The following NHSL1 variants were observed in gnomAD, a reference collection of about 807,000 sequenced individuals.
NHSL1 encodes the protein NHS-like protein 1.
Under a neutral mutation model 95.0 loss-of-function variants are expected in NHSL1, and 48 were observed. The ratio of observed to expected loss-of-function variants is 0.51; its 90% CI spans 0.40 to 0.64. NHSL1 has a LOEUF of 0.64. NHSL1 is among the 30% of genes least tolerant of loss of function. The probability of loss-of-function intolerance (pLI) is 0.00; values close to 1 mark genes in which losing one functional copy is unlikely to be tolerated. For missense variants in NHSL1, 1,971 were observed against 2,077.7 expected, an observed-to-expected ratio of 0.95 and a Z score of 1.00; for synonymous variants, 783 against 833.9, an observed-to-expected ratio of 0.94 and a Z score of 1.05.
At chr6:138,513,670 GC>G (rs1428517688) in intron 1 of NHSL1, among the ~76,000 whole-genome samples, 1 of 152,136 alleles carries the variant, frequency 6.6e-6, no homozygotes, top group Non-Finnish European at 1.5e-5. Flanking sequence ...CAGTGGATTG[GC>G]CTTTTACCCA....
intron 3 of NHSL1, among the ~76,000 whole-genome samples, chr6:138,464,828 T>TAA (rs762905465): frequency 1.5e-4 from 23 of 150,180 alleles, no homozygotes; most frequent in Non-Finnish European, 2.8e-4. Flanking sequence ...TTCTCCTGCC[T>TAA]CAGCCTCTCT....
chr6:138,423,084 A>T lies in NHSL1; in HGVS notation c.*997T>A, dbSNP rs1231026527. 7.5e-6 allele frequency: 1 copy of T among 132,468 alleles called. No individual in the cohort carries two copies. Among genetic ancestry groups the T allele is most frequent in the Non-Finnish European group, 1.6e-5 (1 of 62,138 alleles). The allele number at this position is 132,468 out of a possible 1,614,324, so 8.2% of individuals were successfully genotyped here. On this transcript the variant is annotated 3_prime_UTR_variant, in exon 8 of 8. Transcript: ENST00000343505. ...ACAGGAAATTGCCTAATGGAAGTTT[A>T]AACTCTGGTTAAAAAAAAAAAAAAA...
chr6:138,431,433 A>G lies in NHSL1; in HGVS notation c.2912T>C (p.Phe971Ser), dbSNP rs1583142441. 3.2e-6 allele frequency: 5 copies of G among 1,550,376 alleles called. No individual in the cohort carries two copies. Among genetic ancestry groups the G allele is most frequent in the Non-Finnish European group, 4.4e-6 (5 of 1,146,770 alleles). Residue 971 changes from phenylalanine to serine, a missense_variant, in exon 6 of 8, where the codon TTC becomes TCC. Transcript: ENST00000343505. The surrounding 1 kb of genome is among the most constrained non-coding windows in gnomAD (Gnocchi z 4.0). ...QGSPLPHSPV[F>S]PPPPPEALIP... ...GAGAGCTTCTGGCGGCGGAGGGGGG[A>G]ACACAGGAGAGTGAGGCAGAGGAGA...
rs891666735 is a variant in NHSL1, at chr6:138,670,546, G to T, written c.96+21930C>A. Among the ~76,000 whole-genome samples the T allele has an allele frequency of 1.0e-3, 151 of 147,518 alleles. 1 individual carries two copies. The highest frequency in any genetic ancestry group is 3.6e-3 in the East Asian group (18 of 4,960). ...CCGGGCGTAGTGGCGGGCGCCTGTAGTCCCAGCTACTTGGGAGGCTGAGGC... is the reference window on the plus strand; with the variant it reads ...CCGGGCGTAGTGGCGGGCGCCTGTATTCCCAGCTACTTGGGAGGCTGAGGC... On this transcript the variant is annotated intron_variant, in intron 1 of 3. Transcript: ENST00000491526.
intron 2 of NHSL1, among the ~76,000 whole-genome samples, chr6:138,484,944 G>A (rs1030300813): frequency 3.3e-5 from 5 of 152,142 alleles, no homozygotes; most frequent in African/African-American, 7.2e-5. Flanking sequence ...AATTTAAGAA[G>A]CCTTGAAGAA....
intron 3 of NHSL1, among the ~76,000 whole-genome samples, chr6:138,457,864 T>C (rs1458465405): frequency 6.6e-6 from 1 of 151,886 alleles, no homozygotes; most frequent in African/African-American, 2.4e-5. Flanking sequence ...AAAAATTAGC[T>C]GGGCATGGTG....
At chr6:138,534,112 A>C (rs1782242731) in intron 1 of NHSL1, among the ~76,000 whole-genome samples, 1 of 152,202 alleles carries the variant, frequency 6.6e-6, no homozygotes, top group South Asian at 2.1e-4. Flanking sequence ...GCGTATTTTC[A>C]GTCCCATTGA....
At chr6:138,557,599 G>A (rs891145694) in intron 1 of NHSL1, among the ~76,000 whole-genome samples, 20 of 152,212 alleles carry the variant, frequency 1.3e-4, no homozygotes, top group African/African-American at 4.8e-4. Flanking sequence ...AATATTCAGC[G>A]GCCATCAGGG....
chr6:138,486,451 T>C (rs1779733513), intron 2 of NHSL1, among the ~76,000 whole-genome samples: 1 of 152,134 alleles, frequency 6.6e-6, no homozygotes, highest in Non-Finnish European at 1.5e-5. Flanking sequence ...AGCCTTTTCT[T>C]ACAATGACTC....
chr6:138,568,140 C>A (rs188496286), intron 1 of NHSL1, among the ~76,000 whole-genome samples: 74 of 152,320 alleles, frequency 4.9e-4, no homozygotes, highest in Non-Finnish European at 8.8e-4. Context: ...CAGTTAAATG[C>A]TAACAGTTAG....
intron 1 of NHSL1, among the ~76,000 whole-genome samples, chr6:138,521,033 G>T (rs1426989031): frequency 6.6e-6 from 1 of 152,224 alleles, no homozygotes; most frequent in Non-Finnish European, 1.5e-5. Flanking sequence ...TGGGAGCTAT[G>T]CAAGGGATTC....
At chr6:138,581,692 CAA>C (rs1163761095) in intron 1 of NHSL1, among the ~76,000 whole-genome samples, 12,591 of 67,418 alleles carry the variant, frequency 0.19, 616 homozygotes, top group African/African-American at 0.33. Context: ...ACTCCGTCTC[CAA>C]AAAAAAAAAA....
chr6:138,621,021 G>A (rs1435402837), intron 1 of NHSL1, among the ~76,000 whole-genome samples: 2 of 152,176 alleles, frequency 1.3e-5, no homozygotes, highest in African/African-American at 2.4e-5. Flanking sequence ...TGGGGGATAA[G>A]GGAGAAGTAA....
intron 3 of NHSL1, among the ~76,000 whole-genome samples, chr6:138,452,632 T>C (rs1777313165): frequency 6.6e-6 from 1 of 152,224 alleles, no homozygotes; most frequent in Non-Finnish European, 1.5e-5. Flanking sequence ...CAGTCCTTTT[T>C]GGAAGACACT....
chr6:138,546,193 G>A (rs147664001), upstream of NHSL1, among the ~76,000 whole-genome samples: 876 of 152,042 alleles, frequency 5.8e-3, 22 homozygotes, highest in Admixed American at 0.048. Context: ...TTTGCACTCT[G>A]TTGTCTGAGT....
chr6:138,626,092 C>T (rs1007174444), intron 1 of NHSL1, among the ~76,000 whole-genome samples: 1 of 152,234 alleles, frequency 6.6e-6, no homozygotes, highest in African/African-American at 2.4e-5. Flanking sequence ...GACTCAAGAA[C>T]AGGCAGAAGG....
At chr6:138,577,873 A>G (rs1783994883) in intron 1 of NHSL1, among the ~76,000 whole-genome samples, 1 of 152,218 alleles carries the variant, frequency 6.6e-6, no homozygotes, top group Non-Finnish European at 1.5e-5. Flanking sequence ...ACCAAACGGT[A>G]TTACCCCCAG....
intron 2 of NHSL1, among the ~76,000 whole-genome samples, chr6:138,482,312 G>A (rs3861391): frequency 0.18 from 27,246 of 152,062 alleles, 2,562 homozygotes; most frequent in Admixed American, 0.28. Flanking sequence ...TGGGCGTGGT[G>A]GCGGGTGCCT....
At chr6:138,676,853 CTA>C (rs1425704497) in intron 1 of NHSL1, among the ~76,000 whole-genome samples, 1 of 152,180 alleles carries the variant, frequency 6.6e-6, no homozygotes, top group Admixed American at 6.5e-5. Context: ...CGAGGTTTCA[CTA>C]TGTTGGACAG....
Sources: gnomAD v4.1 joint callset for allele counts (sites outside exome capture counted in the v4.1 genomes callset) on GRCh38, gnomAD v4.1.1 for gene constraint, Gnocchi (gnomAD v3.1) non-coding constraint, MANE v1.5 for transcripts, NCBI Gene and HGNC (gene_info 2026-07-23, HGNC 2026-07-21) for gene names.